The following ENTREP2 variants were observed in gnomAD, a reference collection of about 807,000 sequenced individuals.
ENTREP2 encodes endosomal transmembrane epsin interactor 2, also known as protein ENTREP2.
the ENTREP2 span, among the ~76,000 whole-genome samples, chr15:29,430,675 A>C: frequency 6.7e-6 from 1 of 149,228 alleles, no homozygotes; most frequent in East Asian, 1.9e-4. Context: ...AACAAACAAA[A>C]AGAATGCATT....
At chr15:29,139,537 C>T in the ENTREP2 span, among the ~76,000 whole-genome samples, 2 of 152,212 alleles carry the variant, frequency 1.3e-5, no homozygotes, top group Non-Finnish European at 2.9e-5. Context: ...AAACTAATGA[C>T]ATGCAGACAC....
At chr15:29,230,452 T>C in the ENTREP2 span, among the ~76,000 whole-genome samples, 1 of 152,150 alleles carries the variant, frequency 6.6e-6, no homozygotes, top group Non-Finnish European at 1.5e-5. Context: ...TAAATGAAAA[T>C]ATTTAGAGAA....
At chr15:29,296,826 G>A in the ENTREP2 span, among the ~76,000 whole-genome samples, 1 of 152,090 alleles carries the variant, frequency 6.6e-6, no homozygotes, top group African/African-American at 2.4e-5. Flanking sequence ...TTAAGAGCAG[G>A]TCTATCTCAG....
the ENTREP2 span, among the ~76,000 whole-genome samples, chr15:29,209,397 G>T: frequency 6.6e-6 from 1 of 152,166 alleles, no homozygotes; most frequent in East Asian, 1.9e-4. Context: ...AGCTACTTGG[G>T]AGGCTAAGGC....
At chr15:29,429,249 T>C in the ENTREP2 span, among the ~76,000 whole-genome samples, 1 of 151,956 alleles carries the variant, frequency 6.6e-6, no homozygotes, top group South Asian at 2.1e-4. Context: ...TGAGATGGGG[T>C]GTTGCTCTGT....
the ENTREP2 span, among the ~76,000 whole-genome samples, chr15:29,223,056 C>T: frequency 6.6e-6 from 1 of 152,188 alleles, no homozygotes; most frequent in Non-Finnish European, 1.5e-5. Flanking sequence ...CTCTCCGTTG[C>T]TCAACTTCAA....
the ENTREP2 span, among the ~76,000 whole-genome samples, chr15:29,654,349 T>C: frequency 5.3e-5 from 8 of 152,168 alleles, no homozygotes; most frequent in Admixed American, 2.0e-4. Flanking sequence ...CAATACTACA[T>C]TGAGGAAGGC....
At chr15:29,223,733 G>C in the ENTREP2 span, among the ~76,000 whole-genome samples, 3 of 152,194 alleles carry the variant, frequency 2.0e-5, no homozygotes, top group Admixed American at 6.5e-5. Context: ...GGAATGGAAA[G>C]GTAGCCAGAG....
At chr15:29,412,807 T>C in the ENTREP2 span, among the ~76,000 whole-genome samples, 2 of 152,132 alleles carry the variant, frequency 1.3e-5, no homozygotes, top group Non-Finnish European at 2.9e-5. Flanking sequence ...TTATATTCTA[T>C]TTCGTTAATT....
the ENTREP2 span, among the ~76,000 whole-genome samples, chr15:29,309,386 G>A: frequency 6.6e-6 from 1 of 152,140 alleles, no homozygotes; most frequent in Non-Finnish European, 1.5e-5. Flanking sequence ...CACAGAGGCA[G>A]CAATATGCTA....
the ENTREP2 span, among the ~76,000 whole-genome samples, chr15:29,182,877 A>T: frequency 6.6e-6 from 1 of 152,308 alleles, no homozygotes; most frequent in South Asian, 2.1e-4. Context: ...ATCTTCAAAT[A>T]TAGAAACAGA....
the ENTREP2 span, among the ~76,000 whole-genome samples, chr15:29,364,298 T>C: frequency 6.6e-6 from 1 of 152,174 alleles, no homozygotes; most frequent in Non-Finnish European, 1.5e-5. Context: ...CCAGTTGGCC[T>C]GGGCTGGAAA....
the ENTREP2 span, among the ~76,000 whole-genome samples, chr15:29,502,193 G>A: frequency 6.6e-6 from 1 of 151,890 alleles, no homozygotes; most frequent in African/African-American, 2.4e-5. Context: ...AACAAAGTGA[G>A]AGGAATCACA....
At chr15:29,621,868 C>T in the ENTREP2 span, among the ~76,000 whole-genome samples, 1 of 152,188 alleles carries the variant, frequency 6.6e-6, no homozygotes, top group Non-Finnish European at 1.5e-5. Flanking sequence ...AGCCAAGCAT[C>T]CATCCACAGA....
At chr15:29,483,751 C>T in the ENTREP2 span, among the ~76,000 whole-genome samples, 1 of 152,244 alleles carries the variant, frequency 6.6e-6, no homozygotes, top group East Asian at 1.9e-4. Flanking sequence ...ATTGTGTCAA[C>T]TATTCTGAAT....
the ENTREP2 span, chr15:29,123,089 G>A: frequency 1.1e-4 from 50 of 473,802 alleles, no homozygotes; most frequent in East Asian, 1.5e-3. Context: ...CACTGTGGAC[G>A]TGAAAGTCAT....
the ENTREP2 span, among the ~76,000 whole-genome samples, chr15:29,205,759 G>A: frequency 3.3e-5 from 5 of 152,104 alleles, no homozygotes; most frequent in African/African-American, 1.2e-4. Context: ...TTTCACCCAC[G>A]GAGCCTCTTC....
chr15:29,126,849 G>A, the ENTREP2 span, among the ~76,000 whole-genome samples: 72 of 152,320 alleles, frequency 4.7e-4, no homozygotes, highest in African/African-American at 1.5e-3. Flanking sequence ...ACCAGGTCGC[G>A]GCAGGCCAGA....
the ENTREP2 span, among the ~76,000 whole-genome samples, chr15:29,465,881 T>C: frequency 6.6e-6 from 1 of 152,222 alleles, no homozygotes; most frequent in Non-Finnish European, 1.5e-5. Context: ...ATGTTCAGAT[T>C]TGATAAGGTC....
Sources: allele counts gnomAD v4.1 joint callset (sites outside exome capture counted in the v4.1 genomes callset), GRCh38; gene constraint gnomAD v4.1.1; transcripts MANE v1.5; gene names NCBI Gene and HGNC (gene_info 2026-07-23, HGNC 2026-07-21).